PI16: variants seen among roughly 807,000 people sequenced by gnomAD.
PI16 encodes PSP94-binding protein.
PI16 carries 35 observed loss-of-function variants against 38.0 expected under a neutral mutation model. That is an observed-to-expected ratio of 0.92 (90% CI 0.70 to 1.22). PI16 has a LOEUF of 1.22. Ranked by LOEUF, PI16 falls within the 50% of genes most tolerant of loss-of-function variation. The pLI is 0.00. For synonymous variants in PI16, 275 were observed against 252.9 expected, an observed-to-expected ratio of 1.09 and a Z score of -0.83; for missense variants, 572 against 593.8, an observed-to-expected ratio of 0.96 and a Z score of 0.38.
At chr6:36,952,576 C>T (rs144760609), upstream of PI16, among the ~76,000 whole-genome samples, 3 of 152,312 alleles carry the variant, frequency 2.0e-5, no homozygotes, top group Middle Eastern at 3.4e-3. Context: ...CCTCGTTGAA[C>T]GGTCTTGGTA....
chr6:36,961,759 C>A, intron 3 of PI16, 127 bp from the exon 4 acceptor site: 1 of 967,340 alleles, frequency 1.0e-6, no homozygotes, highest in Non-Finnish European at 1.6e-6. Context: ...CAAGTTCGCC[C>A]AGCAAGTCAG....
chr6:36,963,999 A>C, intron 6 of PI16, 37 bp downstream of exon 6: 1 of 1,569,904 alleles, frequency 6.4e-7, no homozygotes, highest in Non-Finnish European at 8.6e-7. Context: ...CCTCATACCC[A>C]CCTGGATTGT....
rs750960327 is a variant in PI16, at chr6:36,961,892, C to G, written c.510C>G (p.Asn170Lys). ...LLVCNYEPPG[N>K]VKGKRPYQEG... ...TCCTCCTGACCTCCTGTAGGGGGAA[C>G]GTGAAGGGGAAACGGCCCTACCAGG... Residue 170 changes from asparagine (N) to lysine (K), a missense_variant, in exon 4 of 7, where the codon AAC (asparagine) becomes AAG (lysine). Asn to Lys is a moderately conservative substitution (Grantham distance 94). Transcript: ENST00000373674. 12 of 1,613,646 alleles carry G rather than the reference C, an allele frequency of 7.4e-6. No homozygotes were observed. The highest frequency in any genetic ancestry group is 1.7e-5 in the Admixed American group (1 of 59,996).
rs201227678 is a variant in PI16, at chr6:36,963,852, G to A, written c.1300G>A (p.Val434Met). The change falls in exon 6 of 7, where the codon GTG becomes ATG. Residue 434 changes from valine (V) to methionine (M), a missense_variant. Physicochemically the swap from Val to Met is conservative, Grantham distance 21. Transcript: ENST00000373674. ...GAEGPDKPSV[V>M]SGLNSGPGHV... ...AGAGGGCCCTGACAAGCCTAGCGTC[G>A]TGTCAGGGCTGAACTCGGGCCCTGG... is the stretch of plus-strand genomic sequence containing the variant. The A allele has an allele frequency of 3.2e-5, 51 of 1,612,090 alleles. No individual in the cohort carries two copies. Among genetic ancestry groups the A allele is most frequent in the African/African-American group, 1.6e-4 (12 of 74,826 alleles).
At chr6:36,964,325 C>T (rs1209047288) in intron 6 of PI16, 61 bp from the exon 7 acceptor site, 5 of 184,486 alleles carry the variant, frequency 2.7e-5, no homozygotes, top group Non-Finnish European at 5.6e-5. Flanking sequence ...AGTCCCCTGG[C>T]CTCTTCCTTG....
chr6:36,959,603 T>C (rs548858493), intron 2 of PI16, among the ~76,000 whole-genome samples: 4 of 152,332 alleles, frequency 2.6e-5, no homozygotes, highest in African/African-American at 9.6e-5. Context: ...CCAGGCGCCG[T>C]AGCTCACCCC....
intron 1 of PI16, among the ~76,000 whole-genome samples, chr6:36,948,952 G>T (rs931395961): frequency 6.7e-6 from 1 of 150,350 alleles, no homozygotes; most frequent in Non-Finnish European, 1.5e-5. Context: ...GTGCCACTAC[G>T]CCCAGCTAAT....
rs761609370 is a variant in PI16, at chr6:36,963,861, C to T, written c.1309C>T (p.Leu437=). The T allele has an allele frequency of 3.7e-6, 6 of 1,613,334 alleles. No homozygotes were observed. The South Asian group carries it at 6.6e-5, about 18-fold the overall frequency. The part of the protein sequence containing the change: ...GPDKPSVVSG[L]NSGPGHVWGP... Reference sequence around the variant, plus strand: ...TGACAAGCCTAGCGTCGTGTCAGGGCTGAACTCGGGCCCTGGTCATGTGTG... The same window carrying T: ...TGACAAGCCTAGCGTCGTGTCAGGGTTGAACTCGGGCCCTGGTCATGTGTG... Residue 437 remains leucine (L), a synonymous_variant, in exon 6 of 7, where the codon CTG becomes TTG. Coordinates refer to ENST00000373674, the MANE Select transcript of PI16 (RefSeq NM_153370.3).
At chr6:36,948,653 C>T in intron 1 of PI16, among the ~76,000 whole-genome samples, 1 of 26,168 alleles carries the variant, frequency 3.8e-5, no homozygotes, top group Admixed American at 4.9e-4. Context: ...TTCCTCCCTC[C>T]CTCCTTCCCT....
At position 36,948,626 on chromosome 6, in the gene PI16, CCTT is replaced by C. The variant is rs112113561; in HGVS notation, c.-82+224_-82+226del. Among the ~76,000 whole-genome samples the C allele has an allele frequency of 2.5e-3, 238 of 97,100 alleles. 3 individuals are homozygous for C. The highest frequency in any genetic ancestry group is 0.01 in the African/African-American group (208 of 20,652). 63.7% of individuals were successfully genotyped at this position (97,100 alleles called of 152,430 possible). A position where few individuals can be genotyped will look rare whatever the true frequency, so the allele number is the denominator to read the frequency against. On this transcript the variant is annotated intron_variant, in intron 1 of 7. Coordinates refer to the PI16 transcript ENST00000611814. The stretch of plus-strand genomic sequence containing the variant: ...TGTTTCTTTCTTTTTTTTTTTCCTT[CCTT>C]CCTCCTTCCCTCCTTCCTCCCTCCC...
rs766418173 is a variant in PI16, at chr6:36,962,952, G to A, written c.610G>A (p.Glu204Lys). ...NSLCEPIGSP[E>K]DAQDLPYLVT... ...CTTATCAGAACCCATCGGAAGCCCG[G>A]AAGATGCTCAGGATTTGCCTTACCT... Residue 204 changes from glutamate (E) to lysine (K), a missense_variant, in exon 5 of 7, where the codon GAA (glutamate) becomes AAA (lysine). Coordinates refer to ENST00000373674, the MANE Select transcript of PI16 (RefSeq NM_153370.3). This position sits in a 1 kb window ranked among gnomAD's most constrained non-coding sequence, Gnocchi z 4.1. The A allele has an allele frequency of 1.2e-6, 2 of 1,613,220 alleles. No individual in the cohort carries two copies. The highest frequency in any genetic ancestry group is 3.3e-5 in the Admixed American group (2 of 59,958).
At position 36,963,977 on chromosome 6, in the gene PI16, G is replaced by T; in HGVS notation, c.*18+15G>T. 2 of 1,595,694 alleles carry T rather than the reference G, an allele frequency of 1.3e-6. No homozygotes were observed. The highest frequency in any genetic ancestry group is 1.1e-5 in the South Asian group (1 of 88,068). ...ACCACTCAAAGGCAAGGCCTGGTGA[G>T]GGGGGCCCTGGCCTCATACCCACCT... On this transcript the variant is annotated intron_variant, in intron 6 of 6. Transcript: ENST00000373674.
chr6:36,951,070 G>A (rs939056930), upstream of PI16, among the ~76,000 whole-genome samples: 53 of 152,184 alleles, frequency 3.5e-4, no homozygotes, highest in African/African-American at 1.2e-3. Context: ...ATCCTAATGA[G>A]TGTGAAGTGG....
chr6:36,962,878 T>C lies in PI16; in HGVS notation c.593-57T>C. Reference sequence around the variant, plus strand: ...TCGCGTCACTTGGTTTGCAGTGCCATGAGAGATGTGGGGTCCTGCTTGCAG... The same window carrying C: ...TCGCGTCACTTGGTTTGCAGTGCCACGAGAGATGTGGGGTCCTGCTTGCAG... On this transcript the variant is annotated intron_variant, in intron 4 of 6. Transcript: ENST00000373674. The surrounding 1 kb of genome is among the most constrained non-coding windows in gnomAD (Gnocchi z 4.1). The C allele has an allele frequency of 6.8e-7, 1 of 1,467,788 alleles. No homozygotes were observed. The highest frequency in any genetic ancestry group is 2.3e-5 in the East Asian group (1 of 43,762). 90.9% of individuals were successfully genotyped at this position (1,467,788 alleles called of 1,614,324 possible).
upstream of PI16, chr6:36,954,661 C>A: frequency 6.7e-7 from 1 of 1,495,706 alleles, no homozygotes; most frequent in African/African-American, 1.4e-5. Context: ...CAAACACGGC[C>A]CCCACTGCCC....
rs373255295 is a variant in PI16 at position 36,962,246 on chromosome 6, G to T, written c.592+272G>T. Among the ~76,000 whole-genome samples, 4 of 152,250 alleles carry T rather than the reference G, an allele frequency of 2.6e-5. No homozygotes were observed. The East Asian group carries it at 5.8e-4, about 22-fold the overall frequency. On this transcript the variant is annotated intron_variant, in intron 4 of 6. Coordinates refer to ENST00000373674, the MANE Select transcript of PI16 (RefSeq NM_153370.3). This position sits in a 1 kb window ranked among gnomAD's most constrained non-coding sequence, Gnocchi z 4.1. Reference sequence around the variant, plus strand: ...GGGGGGCCCGCGCGAGGTGGGTGTCGCCACACTTTAGGGTCTCGAGGAGCG... The same window carrying T: ...GGGGGGCCCGCGCGAGGTGGGTGTCTCCACACTTTAGGGTCTCGAGGAGCG...
chr6:36,961,700 G>A lies in PI16; in HGVS notation c.503+140G>A. 4 of 903,478 alleles carry A rather than the reference G, an allele frequency of 4.4e-6. No homozygotes were observed. In the South Asian group the frequency reaches 4.5e-5, roughly 10 times the overall value. The allele number at this position is 903,478 out of a possible 1,614,324, so 56.0% of individuals were successfully genotyped here. On this transcript the variant is annotated intron_variant, in intron 3 of 6. Transcript: ENST00000373674. ...CAATACTGTCCAGGGAGCTGTGAAG[G>A]CACCAATGGGGGTCTGCTGTCATCT...
intron 3 of PI16, 31 bp downstream of exon 3, chr6:36,961,591 GA>G (rs753712884): frequency 6.3e-7 from 1 of 1,598,272 alleles, no homozygotes; most frequent in African/African-American, 1.3e-5. Flanking sequence ...TGGAGATGGA[GA>G]GGGGGAAGGC....
At position 36,963,959 on chromosome 6, in the gene PI16, A is replaced by C; in HGVS notation, c.*15A>C. ...GAATCTTCTGAAGGGGATACCACTC[A>C]AAGGCAAGGCCTGGTGAGGGGGGCC... On this transcript the variant is annotated 3_prime_UTR_variant, in exon 6 of 7. Coordinates refer to ENST00000373674, the MANE Select transcript of PI16 (RefSeq NM_153370.3). 14 of 1,606,650 alleles carry C rather than the reference A, an allele frequency of 8.7e-6. No individual in the cohort carries two copies. Among genetic ancestry groups the C allele is most frequent in the Non-Finnish European group, 1.2e-5 (14 of 1,177,024 alleles).
Sources: allele counts gnomAD v4.1 joint callset (sites outside exome capture counted in the v4.1 genomes callset), GRCh38; gene constraint gnomAD v4.1.1; non-coding constraint Gnocchi (gnomAD v3.1); transcripts MANE v1.5; gene names NCBI Gene and HGNC (gene_info 2026-07-23, HGNC 2026-07-21).